Variants in CDH18 observed in about 807,000 individuals in gnomAD.
CDH18 encodes cadherin 18, also known as cadherin-18.
Under a neutral mutation model 67.9 loss-of-function variants are expected in CDH18, and 31 were observed. The observed-to-expected ratio is 0.46, with a 90% CI of 0.34 to 0.62. The LOEUF (loss-of-function observed/expected upper bound fraction) is 0.62. CDH18 is among the 20% of genes least tolerant of loss of function. CDH18 has a pLI of 0.01. For synonymous variants in CDH18, 362 were observed against 347.2 expected (o/e 1.04, Z -0.48); for missense variants, 890 against 975.5 (o/e 0.91, Z 1.17).
chr5:20,513,009 G>A (rs1177544931), intron 1 of CDH18, among the ~76,000 whole-genome samples: 1 of 152,048 alleles, frequency 6.6e-6, no homozygotes, highest in Admixed American at 6.6e-5. Context: ...CGTAGCATGT[G>A]AGCCTCTCTG....
Position 20,496,653 on chromosome 5 carries a change from A to C in CDH18, c.-580+78809T>G, listed in dbSNP as rs76232548. ...AAAATTTTATAGTAATTGAGAGATA[A>C]ATTGTAAATGTGCTCTTCACGCTTT... is the stretch of plus-strand genomic sequence containing the variant. On this transcript the variant is annotated intron_variant, in intron 1 of 14. Coordinates refer to the CDH18 transcript ENST00000507958. 4.4e-4 allele frequency among the ~76,000 whole-genome samples: 67 copies of C among 152,218 alleles called. No homozygotes were observed. The East Asian group carries it at 0.011, about 24-fold the overall frequency.
chr5:19,763,819 AC>A (rs1181651217), intron 3 of CDH18, among the ~76,000 whole-genome samples: 1 of 151,904 alleles, frequency 6.6e-6, no homozygotes, highest in African/African-American at 2.4e-5. Context: ...TAGATGGAAA[AC>A]AAAAGCATAT....
intron 1 of CDH18, among the ~76,000 whole-genome samples, chr5:20,513,934 T>C (rs1755204497): frequency 6.6e-6 from 1 of 152,166 alleles, no homozygotes; most frequent in Non-Finnish European, 1.5e-5. Context: ...CCATTCAGTT[T>C]ACAATTACAT....
intron 2 of CDH18, among the ~76,000 whole-genome samples, chr5:19,888,668 A>G (rs1365522827): frequency 2.0e-5 from 3 of 152,096 alleles, no homozygotes; most frequent in Non-Finnish European, 2.9e-5. Flanking sequence ...AATCTGTGCA[A>G]TTGTTTATGT....
intron 1 of CDH18, among the ~76,000 whole-genome samples, chr5:20,526,813 G>A (rs539919613): frequency 5.3e-5 from 8 of 152,044 alleles, no homozygotes; most frequent in African/African-American, 1.4e-4. Flanking sequence ...AAAACAAAAC[G>A]CAAAAAGCAA....
chr5:19,779,212 T>C (rs753838103), intron 3 of CDH18, among the ~76,000 whole-genome samples: 3 of 152,120 alleles, frequency 2.0e-5, no homozygotes, highest in Non-Finnish European at 4.4e-5. Context: ...AGACTCACAT[T>C]AAGGATTCTA....
intron 1 of CDH18, among the ~76,000 whole-genome samples, chr5:20,341,588 G>T (rs1561987859): frequency 6.6e-6 from 1 of 151,398 alleles, no homozygotes; most frequent in Non-Finnish European, 1.5e-5. Context: ...GAACTAATAG[G>T]ATATGTATAT....
At position 19,534,969 on chromosome 5, in the gene CDH18, C is replaced by T. The variant is rs75130105; in HGVS notation, c.1390+8900G>A. On this transcript the variant is annotated intron_variant, in intron 9 of 12. Coordinates refer to ENST00000382275, the MANE Select transcript of CDH18 (RefSeq NM_004934.5). ...CTGAGTTCTTTGCCAAAAACCAGCACCAACTTGCTAGTTATGTAAGTGAGA... is the reference window on the plus strand; with the variant it reads ...CTGAGTTCTTTGCCAAAAACCAGCATCAACTTGCTAGTTATGTAAGTGAGA... 8.7e-3 allele frequency among the ~76,000 whole-genome samples: 1,331 copies of T among 152,224 alleles called. 22 individuals carry two copies. Among genetic ancestry groups the T allele is most frequent in the African/African-American group, 0.031 (1,275 of 41,532 alleles).
At chr5:20,353,415 A>G (rs1314131367) in intron 1 of CDH18, among the ~76,000 whole-genome samples, 1 of 152,244 alleles carries the variant, frequency 6.6e-6, no homozygotes, top group Non-Finnish European at 1.5e-5. Flanking sequence ...ATTAAAATAC[A>G]TTAATGAATT....
chr5:20,127,182 G>A (rs1299971070), intron 2 of CDH18, among the ~76,000 whole-genome samples: 5 of 151,488 alleles, frequency 3.3e-5, no homozygotes, highest in African/African-American at 1.2e-4. Context: ...CTGATTGTTA[G>A]AAAGTATGTA....
At chr5:20,342,295 G>A (rs998488746) in intron 1 of CDH18, among the ~76,000 whole-genome samples, 8 of 152,016 alleles carry the variant, frequency 5.3e-5, no homozygotes, top group Non-Finnish European at 1.0e-4. Flanking sequence ...AACCTATTTT[G>A]CCAGAAGGAA....
intron 2 of CDH18, among the ~76,000 whole-genome samples, chr5:20,014,112 G>T (rs887458279): frequency 6.6e-6 from 1 of 152,110 alleles, no homozygotes; most frequent in East Asian, 1.9e-4. Flanking sequence ...TGACAGAGAG[G>T]CATAGAGGTA....
At chr5:20,512,208 G>A (rs1295518255) in intron 1 of CDH18, among the ~76,000 whole-genome samples, 1 of 152,038 alleles carries the variant, frequency 6.6e-6, no homozygotes, top group Non-Finnish European at 1.5e-5. Flanking sequence ...GGGCAACAGA[G>A]TGAGACTCTG....
At chr5:20,069,379 T>A (rs1007112774) in intron 2 of CDH18, among the ~76,000 whole-genome samples, 1 of 150,568 alleles carries the variant, frequency 6.6e-6, no homozygotes, top group African/African-American at 2.4e-5. Context: ...AGTCACTCTC[T>A]ACTGCATTGC....
At chr5:20,019,530 T>C (rs1738208612) in intron 2 of CDH18, among the ~76,000 whole-genome samples, 1 of 152,122 alleles carries the variant, frequency 6.6e-6, no homozygotes, top group South Asian at 2.1e-4. Flanking sequence ...TCATGAGACC[T>C]GGTAGTTTCA....
chr5:20,232,850 T>C (rs1156307429), intron 2 of CDH18, among the ~76,000 whole-genome samples: 1 of 152,106 alleles, frequency 6.6e-6, no homozygotes, highest in Non-Finnish European at 1.5e-5. Flanking sequence ...GAGGAATATG[T>C]GACTACTCTA....
chr5:20,062,707 AT>A (rs1742607547), intron 2 of CDH18, among the ~76,000 whole-genome samples: 1 of 152,280 alleles, frequency 6.6e-6, no homozygotes, highest in African/African-American at 2.4e-5. Flanking sequence ...GAAGTTTTGC[AT>A]CGCTCTTCTA....
At chr5:19,510,034 T>G (rs1744870791) in intron 10 of CDH18, among the ~76,000 whole-genome samples, 2 of 152,282 alleles carry the variant, frequency 1.3e-5, no homozygotes, top group East Asian at 3.9e-4. Flanking sequence ...CATAGCTACA[T>G]GCTGATACGT....
intron 2 of CDH18, among the ~76,000 whole-genome samples, chr5:19,905,331 A>G (rs1790415885): frequency 6.6e-6 from 1 of 152,082 alleles, no homozygotes; most frequent in Non-Finnish European, 1.5e-5. Context: ...ATATGTTCCA[A>G]ATTCTAACAG....
Sources: allele counts gnomAD v4.1 joint callset (sites outside exome capture counted in the v4.1 genomes callset), GRCh38; gene constraint gnomAD v4.1.1; transcripts MANE v1.5; gene names NCBI Gene and HGNC (gene_info 2026-07-23, HGNC 2026-07-21).